The following SUPT3H variants were observed in gnomAD, a reference collection of about 807,000 sequenced individuals.
SUPT3H encodes SPT3 homolog, SAGA and STAGA complex component, also known as transcription initiation protein SPT3 homolog.
Under a neutral mutation model 44.3 loss-of-function variants are expected in SUPT3H, and 44 were observed. That is an observed-to-expected ratio of 0.99 (90% CI 0.78 to 1.28). The LOEUF (loss-of-function observed/expected upper bound fraction) is 1.28. Among genes scored for constraint, SUPT3H ranks in the 50% most tolerant of loss-of-function variants. The pLI, the probability that SUPT3H is intolerant of heterozygous loss-of-function variation, is 0.00. For synonymous variants in SUPT3H, 124 were observed against 125.6 expected, an observed-to-expected ratio of 0.99 and a Z score of 0.09; for missense variants, 380 against 387.1, an observed-to-expected ratio of 0.98 and a Z score of 0.15.
At chr6:45,300,363 A>G (rs1021156942) in intron 2 of SUPT3H, among the ~76,000 whole-genome samples, 4 of 152,218 alleles carry the variant, frequency 2.6e-5, no homozygotes, top group East Asian at 1.9e-4. Flanking sequence ...AGTTAGTTCA[A>G]TTTGAAAGAA....
intron 10 of SUPT3H, among the ~76,000 whole-genome samples, chr6:44,885,608 C>T (rs2153437222): frequency 6.6e-6 from 1 of 152,180 alleles, no homozygotes; most frequent in South Asian, 2.1e-4. Context: ...CAGCAAAAAC[C>T]CATCTGTACA....
chr6:45,071,407 CAT>C (rs755394024), intron 3 of SUPT3H, among the ~76,000 whole-genome samples: 2 of 151,888 alleles, frequency 1.3e-5, no homozygotes, highest in Non-Finnish European at 2.9e-5. Flanking sequence ...TTTTTTGCCC[CAT>C]GATATCCATT....
chr6:44,892,169 A>C (rs1050574180), intron 10 of SUPT3H, among the ~76,000 whole-genome samples: 1 of 152,148 alleles, frequency 6.6e-6, no homozygotes. Flanking sequence ...TCCAAAATTC[A>C]TATGTTGAAC....
At chr6:44,975,911 T>C (rs1446708998) in intron 6 of SUPT3H, among the ~76,000 whole-genome samples, 1 of 152,046 alleles carries the variant, frequency 6.6e-6, no homozygotes, top group Admixed American at 6.6e-5. Flanking sequence ...ATGCCACCAG[T>C]GTGGGAAAAA....
chr6:45,265,937 A>G (rs183985687), intron 2 of SUPT3H, among the ~76,000 whole-genome samples: 3 of 152,188 alleles, frequency 2.0e-5, no homozygotes, highest in Admixed American at 6.6e-5. Context: ...AAACTCATTC[A>G]TATCTTTTGC....
intron 10 of SUPT3H, among the ~76,000 whole-genome samples, chr6:44,918,744 A>AT (rs1164440756): frequency 6.6e-6 from 1 of 152,210 alleles, no homozygotes; most frequent in Non-Finnish European, 1.5e-5. Context: ...CACAAATTCA[A>AT]TAAGATCATT....
intron 7 of SUPT3H, among the ~76,000 whole-genome samples, chr6:44,957,850 G>A (rs1387462900): frequency 6.6e-6 from 1 of 152,152 alleles, no homozygotes; most frequent in Non-Finnish European, 1.5e-5. Flanking sequence ...ATGCATAGAA[G>A]TCCAAAAACC....
chr6:45,242,147 C>T (rs1584455409), intron 2 of SUPT3H, among the ~76,000 whole-genome samples: 2 of 152,114 alleles, frequency 1.3e-5, no homozygotes, highest in Admixed American at 1.3e-4. Context: ...TGGCCTCACA[C>T]AACAAACAAA....
At chr6:45,333,112 A>G (rs776918176) in intron 2 of SUPT3H, among the ~76,000 whole-genome samples, 1 of 151,736 alleles carries the variant, frequency 6.6e-6, no homozygotes, top group Non-Finnish European at 1.5e-5. Flanking sequence ...AGATGTTAGT[A>G]TCTTAAAACA....
At chr6:45,254,342 T>C (rs995839851) in intron 2 of SUPT3H, among the ~76,000 whole-genome samples, 4 of 152,200 alleles carry the variant, frequency 2.6e-5, no homozygotes, top group African/African-American at 4.8e-5. Context: ...CTTGTACTAA[T>C]ACATGATTAA....
intron 2 of SUPT3H, among the ~76,000 whole-genome samples, chr6:45,287,898 C>T (rs993619070): frequency 3.9e-5 from 6 of 152,118 alleles, no homozygotes; most frequent in Admixed American, 6.6e-5. Context: ...CTTAGTTCTT[C>T]GTGTTATTTT....
intron 2 of SUPT3H, among the ~76,000 whole-genome samples, chr6:45,214,015 C>CAAAAAAA (rs11418358): frequency 5.2e-3 from 384 of 73,894 alleles, no homozygotes; most frequent in African/African-American, 5.8e-3. Flanking sequence ...TTTTGAAATG[C>CAAAAAAA]AAAAAAAAAA....
intron 2 of SUPT3H, among the ~76,000 whole-genome samples, chr6:45,168,094 A>G (rs972266837): frequency 8.5e-5 from 13 of 152,130 alleles, no homozygotes; most frequent in Non-Finnish European, 1.8e-4. Context: ...TACAGGTGTG[A>G]GCCACCGCGC....
chr6:44,849,457 G>C (rs917897609), intron 10 of SUPT3H, among the ~76,000 whole-genome samples: 3 of 151,738 alleles, frequency 2.0e-5, no homozygotes, highest in African/African-American at 7.3e-5. Flanking sequence ...TCGATCTCCT[G>C]ACCTCGTGAT....
chr6:45,307,208 CA>C, intron 2 of SUPT3H, among the ~76,000 whole-genome samples: 1 of 152,338 alleles, frequency 6.6e-6, no homozygotes, highest in African/African-American at 2.4e-5. Flanking sequence ...CATAGCCAAA[CA>C]AAAGGCAGCA....
chr6:45,193,135 A>T (rs192275592), intron 2 of SUPT3H, among the ~76,000 whole-genome samples: 109 of 152,258 alleles, frequency 7.2e-4, no homozygotes, highest in African/African-American at 2.6e-3. Flanking sequence ...TAAGAAATAA[A>T]TATTAGAGTG....
At chr6:45,048,276 C>T (rs536422758) in intron 3 of SUPT3H, among the ~76,000 whole-genome samples, 6 of 140,552 alleles carry the variant, frequency 4.3e-5, no homozygotes, top group Admixed American at 2.8e-4. Flanking sequence ...GATGTAATCC[C>T]ATTCATCTAT....
At chr6:44,861,018 G>C (rs1432406683) in intron 10 of SUPT3H, among the ~76,000 whole-genome samples, 1 of 152,174 alleles carries the variant, frequency 6.6e-6, no homozygotes, top group African/African-American at 2.4e-5. Context: ...CCTGGGTTCT[G>C]CTATTAATTC....
chr6:45,182,691 C>A (rs1031065810), intron 2 of SUPT3H, among the ~76,000 whole-genome samples: 4 of 152,172 alleles, frequency 2.6e-5, no homozygotes, highest in Non-Finnish European at 5.9e-5. Flanking sequence ...CTTATCTACA[C>A]AGGACAGGAA....
Sources: allele counts gnomAD v4.1 joint callset (sites outside exome capture counted in the v4.1 genomes callset), GRCh38; gene constraint gnomAD v4.1.1; transcripts MANE v1.5; gene names NCBI Gene and HGNC (gene_info 2026-07-23, HGNC 2026-07-21).